Variants in STAU2 observed in about 807,000 individuals in gnomAD.
STAU2 encodes the protein double-stranded RNA-binding protein Staufen homolog 2.
STAU2 carries 20 observed loss-of-function variants against 65.9 expected under a neutral mutation model. The ratio of observed to expected loss-of-function variants is 0.30; its 90% CI spans 0.21 to 0.44. The LOEUF is 0.44. STAU2 is among the 20% of genes least tolerant of loss of function. STAU2 has a pLI of 1.00. For synonymous variants in STAU2, 232 were observed against 233.9 expected (o/e 0.99, Z 0.07); for missense variants, 558 against 683.9 (o/e 0.82, Z 2.05).
At chr8:73,432,693 T>C (rs1017911045) in intron 13 of STAU2, among the ~76,000 whole-genome samples, 1 of 152,240 alleles carries the variant, frequency 6.6e-6, no homozygotes, top group Non-Finnish European at 1.5e-5. Flanking sequence ...GTTAACCCAC[T>C]TGCTGCCCTG....
chr8:73,746,886 C>A (rs1807330785), upstream of STAU2: 7 of 1,155,958 alleles, frequency 6.1e-6, no homozygotes, highest in South Asian at 4.2e-5. Context: ...GGCTCCCCGC[C>A]CCCCGCCTCC....
rs1281174528 is a variant in STAU2, at chr8:73,420,571, TAC to T, written c.*799_*800del. ...ACTCTTGATGCAAACCGTGAGTGGC[TAC>T]AACACACGGATGGGGGTGGGCGCGA... is the stretch of plus-strand genomic sequence containing the variant. On this transcript the variant is annotated 3_prime_UTR_variant, in exon 15 of 15. Coordinates refer to ENST00000524300, the MANE Select transcript of STAU2 (RefSeq NM_001164380.2). 5.0e-6 allele frequency: 1 copy of T among 198,300 alleles called. No individual in the cohort carries two copies. Among genetic ancestry groups the T allele is most frequent in the East Asian group, 1.1e-4 (1 of 8,846 alleles). The allele number at this position is 198,300 out of a possible 1,614,324, so 12.3% of individuals were successfully genotyped here. A position where few individuals can be genotyped will look rare whatever the true frequency, so the allele number is the denominator to read the frequency against.
intron 1 of STAU2, among the ~76,000 whole-genome samples, chr8:73,745,185 G>A (rs1262947899): frequency 1.3e-5 from 2 of 152,180 alleles, no homozygotes; most frequent in African/African-American, 4.8e-5. Context: ...TAACTGCTTC[G>A]CAAATTTAAT....
Position 73,725,653 on chromosome 8 carries a change from T to C in STAU2, c.-18+12631A>G, listed in dbSNP as rs919067269. ...CTCTACTAAAAATAAAAAAATTAAC[T>C]GAGCATAGTGGCTCATGCCTGTAAT... is the stretch of plus-strand genomic sequence containing the variant. On this transcript the variant is annotated intron_variant, in intron 3 of 14. Coordinates refer to ENST00000524300, the MANE Select transcript of STAU2 (RefSeq NM_001164380.2). Among the ~76,000 whole-genome samples, 6 of 152,156 alleles carry C rather than the reference T, an allele frequency of 3.9e-5. 1 individual carries two copies. Among genetic ancestry groups the C allele is most frequent in the African/African-American group, 1.4e-4 (6 of 41,458 alleles).
At chr8:73,633,416 G>A (rs1042620670) in intron 6 of STAU2, among the ~76,000 whole-genome samples, 1 of 152,158 alleles carries the variant, frequency 6.6e-6, no homozygotes, top group Admixed American at 6.5e-5. Context: ...ACCAGCAAGG[G>A]CCAGGTTCTC....
chr8:73,474,313 T>G (rs1351169671), intron 13 of STAU2, among the ~76,000 whole-genome samples: 1 of 152,170 alleles, frequency 6.6e-6, no homozygotes, highest in Non-Finnish European at 1.5e-5. Context: ...AAAGGGATAT[T>G]TCACCTTATA....
At chr8:73,449,161 G>A (rs1306514980) in intron 13 of STAU2, among the ~76,000 whole-genome samples, 1 of 152,214 alleles carries the variant, frequency 6.6e-6, no homozygotes, top group Non-Finnish European at 1.5e-5. Flanking sequence ...GCAGGGGCCG[G>A]GCGAGTTAGG....
chr8:73,511,789 T>C (rs1822419117), intron 13 of STAU2: 1 of 152,246 alleles, frequency 6.6e-6, no homozygotes, highest in Non-Finnish European at 1.5e-5. Flanking sequence ...TTTCTTCTTG[T>C]ATGGATCATG....
chr8:73,700,304 C>T (rs1431498826), intron 4 of STAU2, among the ~76,000 whole-genome samples: 1 of 151,862 alleles, frequency 6.6e-6, no homozygotes, highest in Non-Finnish European at 1.5e-5. Context: ...CAACATAATA[C>T]TGAAAGTACT....
intron 4 of STAU2, among the ~76,000 whole-genome samples, chr8:73,703,181 G>A (rs1484627593): frequency 6.6e-6 from 1 of 152,118 alleles, no homozygotes; most frequent in Non-Finnish European, 1.5e-5. Flanking sequence ...GGATCATGGG[G>A]GTGGATTTCT....
intron 3 of STAU2, among the ~76,000 whole-genome samples, chr8:73,725,011 T>C (rs1032899700): frequency 3.9e-5 from 6 of 152,298 alleles, no homozygotes; most frequent in Non-Finnish European, 7.4e-5. Context: ...AATACATTTT[T>C]GACTTTCAAT....
rs73326769 is a variant in STAU2, at chr8:73,527,647, C to T, written c.1530+24365G>A. 1.4e-3 allele frequency: 1,963 copies of T among 1,450,594 alleles called. 26 individuals carry two copies. In the African/African-American group the frequency reaches 0.022, roughly 16 times the overall value. 89.9% of individuals were successfully genotyped at this position (1,450,594 alleles called of 1,614,324 possible). On this transcript the variant is annotated intron_variant, in intron 13 of 14. Transcript: ENST00000524300. ...TTCCATTTTGATGGCCTTCCATTTC[C>T]GAGCTGGGCCATAACACAGCAAAAT...
At chr8:73,708,919 C>CTGA in intron 4 of STAU2, 113 bp downstream of exon 4, 2 of 1,023,640 alleles carry the variant, frequency 2.0e-6, no homozygotes, top group Non-Finnish European at 2.6e-6. Flanking sequence ...AACTAAAAGC[C>CTGA]TTCAAGCCAT....
chr8:73,567,031 C>G (rs1373492939), intron 12 of STAU2, among the ~76,000 whole-genome samples: 2 of 152,136 alleles, frequency 1.3e-5, no homozygotes, highest in African/African-American at 4.8e-5. Context: ...TCCAACAATA[C>G]CACGCTGAGA....
At chr8:73,462,899 A>G (rs764401576) in intron 13 of STAU2, among the ~76,000 whole-genome samples, 1 of 152,208 alleles carries the variant, frequency 6.6e-6, no homozygotes, top group African/African-American at 2.4e-5. Flanking sequence ...GGGATTCCAG[A>G]GGGTGTAGCC....
chr8:73,720,083 T>G (rs1203133527), intron 3 of STAU2, among the ~76,000 whole-genome samples: 1 of 152,000 alleles, frequency 6.6e-6, no homozygotes, highest in Non-Finnish European at 1.5e-5. Flanking sequence ...TGGAGACCAG[T>G]CAGTACAACA....
intron 13 of STAU2, among the ~76,000 whole-genome samples, chr8:73,530,368 C>T (rs1805731340): frequency 6.6e-6 from 1 of 152,078 alleles, no homozygotes; most frequent in African/African-American, 2.4e-5. Context: ...TTCCCCTGAA[C>T]CCCCTTGTAA....
intron 13 of STAU2, among the ~76,000 whole-genome samples, chr8:73,466,784 A>G (rs550472369): frequency 6.6e-6 from 1 of 152,292 alleles, no homozygotes; most frequent in East Asian, 1.9e-4. Flanking sequence ...CTGACTCGCC[A>G]TTTAATAAAC....
At chr8:73,421,901 A>G (rs1342671699) in intron 14 of STAU2, among the ~76,000 whole-genome samples, 1 of 151,508 alleles carries the variant, frequency 6.6e-6, no homozygotes, top group Non-Finnish European at 1.5e-5. Context: ...CCTACCTGCT[A>G]TTATTACTGC....
Sources: gnomAD v4.1 joint callset for allele counts (sites outside exome capture counted in the v4.1 genomes callset) on GRCh38, gnomAD v4.1.1 for gene constraint, MANE v1.5 for transcripts, NCBI Gene and HGNC (gene_info 2026-07-23, HGNC 2026-07-21) for gene names.